The following PIGU variants were observed in gnomAD, a reference collection of about 807,000 sequenced individuals.
The protein encoded by PIGU is phosphatidylinositol glycan anchor biosynthesis class U, also known as GPI-anchor transamidase component PIGU.
Under a neutral mutation model 49.9 loss-of-function variants are expected in PIGU, and 24 were observed. That is an observed-to-expected ratio of 0.48 (90% CI 0.35 to 0.68). PIGU has a LOEUF of 0.68. PIGU is among the 30% of genes least tolerant of loss of function. PIGU has a pLI of 0.01. For missense variants in PIGU, 490 were observed against 532.6 expected (o/e 0.92, Z 0.79); for synonymous variants, 220 against 205.7 (o/e 1.07, Z -0.59).
At chr20:34,643,993 C>T (rs1221299984) in intron 4 of PIGU, 171 bp downstream of exon 4, 3 of 521,004 alleles carry the variant, frequency 5.8e-6, no homozygotes, top group Admixed American at 6.2e-5. Flanking sequence ...GTAAAGCTGT[C>T]TTGTGGGTTT....
chr20:34,586,331 C>A (rs1172300738), intron 8 of PIGU, among the ~76,000 whole-genome samples: 1 of 151,448 alleles, frequency 6.6e-6, no homozygotes, highest in East Asian at 2.0e-4. Context: ...CTGACTGAGG[C>A]CTCCGCCCAG....
chr20:34,581,885 G>A (rs1314133110), intron 9 of PIGU, among the ~76,000 whole-genome samples: 1 of 152,204 alleles, frequency 6.6e-6, no homozygotes, highest in Admixed American at 6.5e-5. Flanking sequence ...GGAGGGCCTG[G>A]CAAACACTAG....
At chr20:34,565,437 T>G (rs1017100673) in intron 11 of PIGU, among the ~76,000 whole-genome samples, 1 of 152,000 alleles carries the variant, frequency 6.6e-6, no homozygotes, top group Non-Finnish European at 1.5e-5. Context: ...TTTTTTTGTA[T>G]TTTTAGTAGA....
Position 34,575,191 on chromosome 20 carries a change from G to T in PIGU, c.1107C>A (p.Phe369Leu), listed in dbSNP as rs573829824. ...AAATCCAGAGGTGCCACAGGACAGG[G>T]AAGAGCAGGGAACAGACGATGATGA... is the stretch of plus-strand genomic sequence containing the variant. ...TCIIIVCSLL[F>L]PVLWHLWIYA... Residue 369 changes from phenylalanine (F) to leucine (L), a missense_variant, in exon 11 of 12, where the codon TTC becomes TTA. By Grantham distance (22) the Phe-to-Leu change is conservative (BLOSUM62 0). Transcript: ENST00000217446. 6.2e-7 allele frequency: 1 copy of T among 1,614,164 alleles called. No homozygotes were observed. The highest frequency in any genetic ancestry group is 8.5e-7 in the Non-Finnish European group (1 of 1,180,014).
At chr20:34,652,304 C>A (rs1022668495) in intron 2 of PIGU, among the ~76,000 whole-genome samples, 1 of 152,140 alleles carries the variant, frequency 6.6e-6, no homozygotes, top group Admixed American at 6.5e-5. Flanking sequence ...CGTGCCTGGC[C>A]TCAGTTTGAC....
At chr20:34,584,589 A>G (rs1185270337) in intron 9 of PIGU, among the ~76,000 whole-genome samples, 1 of 147,924 alleles carries the variant, frequency 6.8e-6, no homozygotes, top group Non-Finnish European at 1.5e-5. Flanking sequence ...AGCTCGCTGA[A>G]GCCTCAAACT....
At chr20:34,609,834 C>G (rs571485505) in intron 7 of PIGU, among the ~76,000 whole-genome samples, 1 of 152,148 alleles carries the variant, frequency 6.6e-6, no homozygotes, top group Non-Finnish European at 1.5e-5. Context: ...GAGAGGGACC[C>G]GGTGGGAGGT....
chr20:34,609,109 G>T (rs1425417460), intron 7 of PIGU, among the ~76,000 whole-genome samples: 2 of 151,852 alleles, frequency 1.3e-5, no homozygotes, highest in East Asian at 3.9e-4. Context: ...GTGAGACCCT[G>T]TCTCTAAAAA....
chr20:34,645,653 T>C (rs1174119433), intron 2 of PIGU, among the ~76,000 whole-genome samples: 4 of 152,142 alleles, frequency 2.6e-5, no homozygotes, highest in African/African-American at 9.7e-5. Flanking sequence ...CCCAGCACTT[T>C]GGGAGGCTGA....
chr20:34,573,849 ATCTC>A (rs2146698301), intron 11 of PIGU, among the ~76,000 whole-genome samples: 1 of 152,382 alleles, frequency 6.6e-6, no homozygotes, highest in South Asian at 2.1e-4. Flanking sequence ...AAGGCCCTCT[ATCTC>A]TCTTTCTTCT....
intron 7 of PIGU, among the ~76,000 whole-genome samples, chr20:34,595,095 C>CAAAAAAAAAAAA (rs71194627): frequency 7.0e-5 from 5 of 71,334 alleles, no homozygotes; most frequent in African/African-American, 1.1e-4. Flanking sequence ...GACTCCGTCT[C>CAAAAAAAAAAAA]AAAAAAAAAA....
At chr20:34,660,231 T>A (rs551132447) in intron 1 of PIGU, among the ~76,000 whole-genome samples, 1 of 152,172 alleles carries the variant, frequency 6.6e-6, no homozygotes, top group South Asian at 2.1e-4. Context: ...AAGGCAAGAA[T>A]CATCAATGGA....
intron 7 of PIGU, among the ~76,000 whole-genome samples, chr20:34,610,348 T>C (rs1260831294): frequency 6.6e-6 from 1 of 152,082 alleles, no homozygotes; most frequent in East Asian, 1.9e-4. Context: ...ATAAACAACT[T>C]CAACAAAGTC....
intron 1 of PIGU, among the ~76,000 whole-genome samples, chr20:34,669,829 T>C (rs773735554): frequency 2.0e-5 from 3 of 152,014 alleles, no homozygotes; most frequent in Admixed American, 6.6e-5. Context: ...GATTCTTCAA[T>C]AGATAAACAC....
chr20:34,636,412 C>T (rs903908266), intron 5 of PIGU, among the ~76,000 whole-genome samples: 1 of 151,048 alleles, frequency 6.6e-6, no homozygotes, highest in East Asian at 2.0e-4. Flanking sequence ...GGCGTGGTGG[C>T]GGGTACCTGT....
At chr20:34,603,361 G>T (rs769110775) in intron 7 of PIGU, among the ~76,000 whole-genome samples, 2 of 152,108 alleles carry the variant, frequency 1.3e-5, no homozygotes, top group Non-Finnish European at 1.5e-5. Context: ...ATTTTATAAA[G>T]ATATATTTCT....
At chr20:34,665,065 G>A (rs976995330) in intron 1 of PIGU, among the ~76,000 whole-genome samples, 5 of 151,922 alleles carry the variant, frequency 3.3e-5, no homozygotes, top group African/African-American at 7.3e-5. Context: ...ACACTCTGTC[G>A]CCCACGCTAG....
At chr20:34,587,886 CATTT>C (rs1418432501) in intron 8 of PIGU, among the ~76,000 whole-genome samples, 1 of 152,080 alleles carries the variant, frequency 6.6e-6, no homozygotes, top group Non-Finnish European at 1.5e-5. Flanking sequence ...TTTCTTTATC[CATTT>C]GTTTGTTGAT....
At position 34,654,505 on chromosome 20, in the gene PIGU, T is replaced by C. The variant is rs540047176; in HGVS notation, c.195+2675A>G. Reference sequence around the variant, plus strand: ...TCAAAAAAAAAAAAAAAAAAGTCTCTGAAGTTGTTCCTAACCTGTTTCTGC... The same window carrying C: ...TCAAAAAAAAAAAAAAAAAAGTCTCCGAAGTTGTTCCTAACCTGTTTCTGC... On this transcript the variant is annotated intron_variant, in intron 2 of 11. Coordinates refer to ENST00000217446, the MANE Select transcript of PIGU (RefSeq NM_080476.5). Among the ~76,000 whole-genome samples, 10 of 113,830 alleles carry C rather than the reference T, an allele frequency of 8.8e-5. 2 individuals carry two copies. Among genetic ancestry groups the C allele is most frequent in the Non-Finnish European group, 1.8e-4 (10 of 54,266 alleles). The allele number at this position is 113,830 out of a possible 152,430, so 74.7% of individuals were successfully genotyped here.
Sources: gnomAD v4.1 joint callset for allele counts (sites outside exome capture counted in the v4.1 genomes callset) on GRCh38, gnomAD v4.1.1 for gene constraint, MANE v1.5 for transcripts, NCBI Gene and HGNC (gene_info 2026-07-23, HGNC 2026-07-21) for gene names.